Variants in PCDHA12 observed in about 807,000 individuals in gnomAD.
The protein encoded by PCDHA12 is protocadherin alpha-12.
Under a neutral mutation model 60.0 loss-of-function variants are expected in PCDHA12, and 44 were observed. The observed-to-expected ratio is 0.73, with a 90% CI of 0.58 to 0.94. The LOEUF (loss-of-function observed/expected upper bound fraction) is 0.94. PCDHA12 is among the 40% of genes least tolerant of loss of function. The pLI, the probability that PCDHA12 is intolerant of heterozygous loss-of-function variation, is 0.00. For missense variants in PCDHA12, 1,276 were observed against 1,239.7 expected, an observed-to-expected ratio of 1.03 and a Z score of -0.44; for synonymous variants, 569 against 553.0, an observed-to-expected ratio of 1.03 and a Z score of -0.40.
intron 1 of PCDHA12, among the ~76,000 whole-genome samples, chr5:140,897,779 G>T (rs1157810079): frequency 6.6e-6 from 1 of 152,138 alleles, no homozygotes; most frequent in Non-Finnish European, 1.5e-5. Flanking sequence ...CTTCCACAAT[G>T]GTTGAACTAG....
chr5:140,935,561 T>C (rs1184981109), intron 1 of PCDHA12, among the ~76,000 whole-genome samples: 3 of 152,218 alleles, frequency 2.0e-5, no homozygotes, highest in African/African-American at 7.2e-5. Context: ...TTGGAAAAGT[T>C]CCTCTCTGTG....
intron 1 of PCDHA12, chr5:140,966,642 G>A (rs897727830): frequency 8.9e-7 from 1 of 1,117,790 alleles, no homozygotes; most frequent in East Asian, 3.1e-5. Flanking sequence ...GCGCTTTCTA[G>A]AGCGTGAGCG....
chr5:140,884,886 A>G (rs1261353977), intron 1 of PCDHA12, among the ~76,000 whole-genome samples: 1 of 152,220 alleles, frequency 6.6e-6, no homozygotes, highest in Non-Finnish European at 1.5e-5. Flanking sequence ...CAAAACAAGA[A>G]TATTTTGTTT....
At chr5:140,895,197 T>C (rs782373000) in intron 1 of PCDHA12, among the ~76,000 whole-genome samples, 2 of 152,182 alleles carry the variant, frequency 1.3e-5, no homozygotes, top group Non-Finnish European at 1.5e-5. Flanking sequence ...AAGTTTTGAA[T>C]TTGCTTTTAT....
At chr5:141,007,891 T>G (rs2098350311) in intron 3 of PCDHA12, among the ~76,000 whole-genome samples, 1 of 152,232 alleles carries the variant, frequency 6.6e-6, no homozygotes, top group Admixed American at 6.5e-5. Flanking sequence ...CTTTAAAAAT[T>G]TATTGTTCTT....
chr5:140,989,925 T>G (rs2097366658), intron 3 of PCDHA12, among the ~76,000 whole-genome samples: 1 of 151,810 alleles, frequency 6.6e-6, no homozygotes, highest in South Asian at 2.1e-4. Context: ...AGAGCAGAGA[T>G]AGATGACATT....
intron 1 of PCDHA12, chr5:140,926,752 C>T (rs1176032200): frequency 8.0e-7 from 1 of 1,254,344 alleles, no homozygotes; most frequent in Admixed American, 3.6e-5. Context: ...CGTCGGCGGT[C>T]GCTGAGTATC....
In PCDHA12 at chr5:140,937,196, C is replaced by G. The variant is rs915023517; in HGVS notation, c.2368-41753C>G. On this transcript the variant is annotated intron_variant, in intron 1 of 3. Transcript: ENST00000398631. ...GGGACTACAGGCGCCCGCCACCATG[C>G]CCGGCTAATTTTTTGTATTTTTTGT... Among the ~76,000 whole-genome samples, 5 of 152,108 alleles carry G rather than the reference C, an allele frequency of 3.3e-5. No homozygotes were observed. In the East Asian group the frequency reaches 7.8e-4, roughly 24 times the overall value.
intron 3 of PCDHA12, among the ~76,000 whole-genome samples, chr5:140,982,908 C>A (rs1554244948): frequency 2.0e-5 from 3 of 151,668 alleles, no homozygotes; most frequent in Non-Finnish European, 2.9e-5. Flanking sequence ...GCCTTATGCA[C>A]AGAGATGACA....
chr5:141,001,999 A>G (rs1554258445), intron 3 of PCDHA12, among the ~76,000 whole-genome samples: 1 of 152,198 alleles, frequency 6.6e-6, no homozygotes, highest in African/African-American at 2.4e-5. Flanking sequence ...TTCACTTGCA[A>G]ACACAGAATC....
At position 140,969,448 on chromosome 5, in the gene PCDHA12, G is replaced by A. The variant is rs781843317; in HGVS notation, c.2368-9501G>A. 468 of 1,537,938 alleles carry A rather than the reference G, an allele frequency of 3.0e-4. 1 individual carries two copies. Among genetic ancestry groups the A allele is most frequent in the Non-Finnish European group, 4.0e-4 (459 of 1,139,778 alleles). On this transcript the variant is annotated intron_variant, in intron 1 of 3. Coordinates refer to ENST00000398631, the MANE Select transcript of PCDHA12 (RefSeq NM_018903.4). ...AGTGACAAGAGTTATCTGGTAAACT[G>A]AGTATATATAGTATCCACAATTTGA...
chr5:140,925,935 CTCTTGGAG>C (rs35448813), intron 1 of PCDHA12, among the ~76,000 whole-genome samples: 7,062 of 152,190 alleles, frequency 0.046, 287 homozygotes, highest in African/African-American at 0.11. Context: ...CAAGTAGAGC[CTCTTGGAG>C]AAGGAGAAAC....
chr5:140,996,198 G>T (rs2097716643), intron 3 of PCDHA12, among the ~76,000 whole-genome samples: 1 of 152,168 alleles, frequency 6.6e-6, no homozygotes, highest in Non-Finnish European at 1.5e-5. Context: ...TACCCTCAAT[G>T]CAAGGATATC....
At chr5:140,916,070 G>A (rs1554197282) in intron 1 of PCDHA12, among the ~76,000 whole-genome samples, 1 of 152,130 alleles carries the variant, frequency 6.6e-6, no homozygotes, top group Non-Finnish European at 1.5e-5. Flanking sequence ...CCTGTGGCCA[G>A]TACTACCACT....
In PCDHA12 at chr5:140,985,839, A is replaced by G. The variant is rs570244448; in HGVS notation, c.2515+3276A>G. On this transcript the variant is annotated intron_variant, in intron 3 of 3. Coordinates refer to ENST00000398631, the MANE Select transcript of PCDHA12 (RefSeq NM_018903.4). ...ACAACAAGCTCTGCCTCCCGGGTTC[A>G]TGCCACTCTCCTGCCTCAGCCTCCT... Among the ~76,000 whole-genome samples the G allele has an allele frequency of 6.2e-5, 9 of 144,378 alleles. No homozygotes were observed. The East Asian group carries it at 1.9e-3, about 30-fold the overall frequency. 94.7% of individuals were successfully genotyped at this position (144,378 alleles called of 152,430 possible). A position where few individuals can be genotyped will look rare whatever the true frequency, so the allele number is the denominator to read the frequency against.
chr5:140,998,241 T>C (rs1554256206), intron 3 of PCDHA12, among the ~76,000 whole-genome samples: 1 of 152,194 alleles, frequency 6.6e-6, no homozygotes, highest in African/African-American at 2.4e-5. Context: ...TGCATTATTA[T>C]ACTCATTTTA....
intron 1 of PCDHA12, among the ~76,000 whole-genome samples, chr5:140,939,509 C>T (rs1013863525): frequency 9.3e-5 from 14 of 150,592 alleles, no homozygotes; most frequent in Non-Finnish European, 1.8e-4. Flanking sequence ...ATGTCTATAA[C>T]ATTAATAGTT....
chr5:140,958,020 A>G (rs536128192), intron 1 of PCDHA12, among the ~76,000 whole-genome samples: 90 of 152,262 alleles, frequency 5.9e-4, no homozygotes, highest in African/African-American at 2.1e-3. Context: ...TCAGCCAAGT[A>G]TACTATGCTT....
intron 1 of PCDHA12, among the ~76,000 whole-genome samples, chr5:140,886,340 G>A (rs2060950327): frequency 6.6e-6 from 1 of 151,864 alleles, no homozygotes; most frequent in East Asian, 1.9e-4. Flanking sequence ...TGTGCAGAAC[G>A]TGCAGGTTTG....
Sources: allele counts gnomAD v4.1 joint callset (sites outside exome capture counted in the v4.1 genomes callset), GRCh38; gene constraint gnomAD v4.1.1; transcripts MANE v1.5; gene names NCBI Gene and HGNC (gene_info 2026-07-23, HGNC 2026-07-21).